MARCHF1: variants seen among roughly 807,000 people sequenced by gnomAD.
MARCHF1 encodes membrane associated ring-CH-type finger 1.
In MARCHF1, 40 loss-of-function variants were observed where a neutral mutation model predicts 54.2. The ratio of observed to expected loss-of-function variants is 0.74; its 90% CI spans 0.57 to 0.96. MARCHF1 has a LOEUF of 0.96. Ranked by LOEUF, MARCHF1 falls within the 40% of genes least tolerant of loss-of-function variation. The pLI, the probability that MARCHF1 is intolerant of heterozygous loss-of-function variation, is 0.00. For missense variants in MARCHF1, 586 were observed against 656.5 expected, an observed-to-expected ratio of 0.89 and a Z score of 1.17; for synonymous variants, 236 against 236.3, an observed-to-expected ratio of 1.00 and a Z score of 0.01.
At chr4:164,310,118 G>A (rs7697244) in intron 1 of MARCHF1, among the ~76,000 whole-genome samples, 5,393 of 151,066 alleles carry the variant, frequency 0.036, 185 homozygotes, top group East Asian at 0.12. Flanking sequence ...TCGCTCTGTC[G>A]CCAGGCTGGT....
chr4:163,968,385 C>T (rs958097670), intron 3 of MARCHF1, among the ~76,000 whole-genome samples: 2 of 152,130 alleles, frequency 1.3e-5, no homozygotes, highest in African/African-American at 4.8e-5. Context: ...GAGATTTCTA[C>T]GTGGCCAATT....
intron 4 of MARCHF1, among the ~76,000 whole-genome samples, chr4:163,710,939 A>T (rs1332417980): frequency 6.6e-6 from 1 of 152,104 alleles, no homozygotes; most frequent in Non-Finnish European, 1.5e-5. Context: ...TTGAACCTTT[A>T]TAAAGGATGG....
chr4:164,048,560 T>C (rs986045641), intron 2 of MARCHF1, among the ~76,000 whole-genome samples: 3 of 152,182 alleles, frequency 2.0e-5, no homozygotes, highest in Non-Finnish European at 4.4e-5. Context: ...GGAATTACTA[T>C]ATTTTGTAAA....
rs1429315895 is a variant in MARCHF1 at position 163,614,861 on chromosome 4, G to A, written c.163-1468C>T. 5.3e-5 allele frequency among the ~76,000 whole-genome samples: 8 copies of A among 152,176 alleles called. No homozygotes were observed. The South Asian group carries it at 1.7e-3, about 32-fold the overall frequency. Reference sequence around the variant, plus strand: ...GCAGTAGAGTTAGTCAGAGAGAGAAGATGAAGAATATGAATAGAGGTAAGA... The same window carrying A: ...GCAGTAGAGTTAGTCAGAGAGAGAAAATGAAGAATATGAATAGAGGTAAGA... On this transcript the variant is annotated intron_variant, in intron 5 of 9. Coordinates refer to ENST00000514618, the MANE Select transcript of MARCHF1 (RefSeq NM_001394959.1).
chr4:164,072,704 TA>T lies in MARCHF1; in HGVS notation c.-248+38883del, dbSNP rs3029712. Among the ~76,000 whole-genome samples, 537 of 136,346 alleles carry T rather than the reference TA, an allele frequency of 3.9e-3. 3 individuals are homozygous for T. The highest frequency in any genetic ancestry group is 8.2e-3 in the African/African-American group (307 of 37,308). 89.4% of individuals were successfully genotyped at this position (136,346 alleles called of 152,430 possible). A position where few individuals can be genotyped will look rare whatever the true frequency, so the allele number is the denominator to read the frequency against. On this transcript the variant is annotated intron_variant, in intron 2 of 9. Coordinates refer to ENST00000514618, the MANE Select transcript of MARCHF1 (RefSeq NM_001394959.1). ...AAAACCCTTAAGAAATTTTCTCTAG[TA>T]AAAAAAAAAAAAAAAAAAAACTTCA...
chr4:164,189,350 C>A, intron 1 of MARCHF1: 2 of 616,258 alleles, frequency 3.2e-6, no homozygotes, highest in South Asian at 2.1e-5. Flanking sequence ...CTGACTCAGG[C>A]CAAATTTTAA....
chr4:164,197,785 A>C, intron 1 of MARCHF1: 1 of 1,599,594 alleles, frequency 6.3e-7, no homozygotes, highest in Admixed American at 1.7e-5. Context: ...CCACGGCCGC[A>C]CGTTTTAGGA....
chr4:163,790,199 T>C (rs1384183093), intron 4 of MARCHF1, among the ~76,000 whole-genome samples: 2 of 152,086 alleles, frequency 1.3e-5, no homozygotes, highest in African/African-American at 4.8e-5. Flanking sequence ...AATGAGAACA[T>C]TTAAAAAGAA....
chr4:163,648,078 G>A (rs1299550115), intron 5 of MARCHF1, among the ~76,000 whole-genome samples: 1 of 151,778 alleles, frequency 6.6e-6, no homozygotes, highest in Non-Finnish European at 1.5e-5. Flanking sequence ...AAAAGTGTTT[G>A]ATAAGTTTTG....
intron 1 of MARCHF1, chr4:164,129,982 C>T (rs1441357233): frequency 6.6e-6 from 1 of 152,094 alleles, no homozygotes; most frequent in African/African-American, 2.4e-5. Context: ...AACAATCACA[C>T]TTACTTTTTG....
chr4:163,877,927 A>C (rs1010452208), intron 3 of MARCHF1, among the ~76,000 whole-genome samples: 1 of 152,170 alleles, frequency 6.6e-6, no homozygotes, highest in African/African-American at 2.4e-5. Flanking sequence ...TGGGGGTGAA[A>C]GCATGCAAAC....
intron 2 of MARCHF1, among the ~76,000 whole-genome samples, chr4:164,047,126 C>G (rs77112497): frequency 6.6e-6 from 1 of 152,044 alleles, no homozygotes; most frequent in Non-Finnish European, 1.5e-5. Flanking sequence ...TTCTAAAACA[C>G]TGTTTTGATC....
intron 3 of MARCHF1, among the ~76,000 whole-genome samples, chr4:163,897,170 A>G (rs1298544738): frequency 1.3e-5 from 2 of 152,190 alleles, no homozygotes; most frequent in African/African-American, 4.8e-5. Flanking sequence ...TACATCTTTA[A>G]TATCAAGATC....
At chr4:164,032,438 T>G (rs1298401021) in intron 2 of MARCHF1, among the ~76,000 whole-genome samples, 2 of 152,232 alleles carry the variant, frequency 1.3e-5, no homozygotes, top group Non-Finnish European at 2.9e-5. Flanking sequence ...GGTGTCAATG[T>G]GAAATCTTTA....
chr4:164,214,166 T>TAA (rs10699491), intron 1 of MARCHF1, among the ~76,000 whole-genome samples: 38,038 of 151,532 alleles, frequency 0.25, 6,698 homozygotes, highest in African/African-American at 0.45. Context: ...AATGAAAAAG[T>TAA]AAAAAAAATT....
chr4:163,609,958 A>G (rs1741277965), intron 7 of MARCHF1, among the ~76,000 whole-genome samples: 1 of 152,078 alleles, frequency 6.6e-6, no homozygotes, highest in African/African-American at 2.4e-5. Flanking sequence ...TTATCAATGT[A>G]TGCAAACTTT....
At chr4:164,217,411 A>G (rs1731964638) in intron 1 of MARCHF1, among the ~76,000 whole-genome samples, 1 of 152,192 alleles carries the variant, frequency 6.6e-6, no homozygotes, top group Admixed American at 6.5e-5. Flanking sequence ...CTGTGTATTC[A>G]TTCATTCATT....
chr4:164,113,698 A>AG (rs1755883023), intron 1 of MARCHF1, among the ~76,000 whole-genome samples: 1 of 151,932 alleles, frequency 6.6e-6, no homozygotes, highest in African/African-American at 2.4e-5. Context: ...AGGGAGGGGT[A>AG]GGGGGGATGT....
At position 163,970,462 on chromosome 4, in the gene MARCHF1, C is replaced by T. The variant is rs376380260; in HGVS notation, c.-39+18039G>A. 1.1e-4 allele frequency among the ~76,000 whole-genome samples: 17 copies of T among 152,074 alleles called. No individual in the cohort carries two copies. In the South Asian group the frequency reaches 3.3e-3, roughly 30 times the overall value. ...ACTCAATAAATGTTTGATGGAAGAA[C>T]GGATACATGGACGGATGGGTGGATG... On this transcript the variant is annotated intron_variant, in intron 3 of 9. Coordinates refer to ENST00000514618, the MANE Select transcript of MARCHF1 (RefSeq NM_001394959.1).
Sources: allele counts gnomAD v4.1 joint callset (sites outside exome capture counted in the v4.1 genomes callset), GRCh38; gene constraint gnomAD v4.1.1; transcripts MANE v1.5; gene names NCBI Gene and HGNC (gene_info 2026-07-23, HGNC 2026-07-21).